ADGRB3: variants seen among roughly 807,000 people sequenced by gnomAD.
ADGRB3 encodes the protein adhesion G protein-coupled receptor B3.
ADGRB3 carries 37 observed loss-of-function variants against 193.4 expected under a neutral mutation model. The observed-to-expected ratio is 0.19, with a 90% CI of 0.15 to 0.25. The LOEUF (loss-of-function observed/expected upper bound fraction) is 0.25, where lower values mean the gene tolerates loss of function less well. ADGRB3 is among the 10% of genes least tolerant of loss of function. The pLI, the probability that ADGRB3 is intolerant of heterozygous loss-of-function variation, is 1.00. For missense variants in ADGRB3, 1,637 were observed against 1,852.9 expected, an observed-to-expected ratio of 0.88 and a Z score of 2.14; for synonymous variants, 690 against 644.2, an observed-to-expected ratio of 1.07 and a Z score of -1.08.
chr6:69,318,489 A>G (rs1052167541), intron 20 of ADGRB3, among the ~76,000 whole-genome samples: 3 of 151,332 alleles, frequency 2.0e-5, no homozygotes, highest in African/African-American at 7.3e-5. Flanking sequence ...TTTATTTTGT[A>G]ATTTCACATT....
chr6:68,662,756 T>C (rs998402055), intron 3 of ADGRB3, among the ~76,000 whole-genome samples: 2 of 151,432 alleles, frequency 1.3e-5, no homozygotes, highest in Non-Finnish European at 3.0e-5. Flanking sequence ...TATGCATATA[T>C]GTTAATGTTA....
chr6:69,361,644 A>G, intron 29 of ADGRB3, 132 bp downstream of exon 29: 1 of 1,122,500 alleles, frequency 8.9e-7, no homozygotes, highest in Middle Eastern at 2.9e-4. Flanking sequence ...TAGCTTTTGC[A>G]GTTTTGTATC....
chr6:69,134,820 T>A (rs1007296976), intron 17 of ADGRB3, among the ~76,000 whole-genome samples: 5 of 151,728 alleles, frequency 3.3e-5, no homozygotes, highest in African/African-American at 1.2e-4. Context: ...AATACATGAA[T>A]AAAGGGAAAT....
intron 20 of ADGRB3, among the ~76,000 whole-genome samples, chr6:69,248,141 C>T (rs1274216858): frequency 6.6e-6 from 1 of 152,052 alleles, no homozygotes; most frequent in African/African-American, 2.4e-5. Context: ...AGAGAAATTA[C>T]AAATTTCTCC....
chr6:68,856,489 C>A (rs1018944231), intron 3 of ADGRB3, among the ~76,000 whole-genome samples: 16 of 152,100 alleles, frequency 1.1e-4, no homozygotes, highest in African/African-American at 3.9e-4. Context: ...GGAACTGGAG[C>A]AAAGGTGACT....
intron 8 of ADGRB3, among the ~76,000 whole-genome samples, chr6:68,968,410 T>C (rs553728979): frequency 1.8e-4 from 28 of 152,328 alleles, no homozygotes; most frequent in African/African-American, 5.3e-4. Flanking sequence ...ACAAATTGAA[T>C]CTTCGTTTTC....
At chr6:69,028,344 T>A (rs1248483862) in intron 13 of ADGRB3, among the ~76,000 whole-genome samples, 1 of 152,214 alleles carries the variant, frequency 6.6e-6, no homozygotes, top group Admixed American at 6.5e-5. Context: ...TTTTTGTTTG[T>A]TTGTTTTTGT....
intron 3 of ADGRB3, among the ~76,000 whole-genome samples, chr6:68,793,754 C>A (rs1434724741): frequency 6.6e-6 from 1 of 152,094 alleles, no homozygotes; most frequent in African/African-American, 2.4e-5. Flanking sequence ...GTCTCAAACT[C>A]CTGACCTCAT....
intron 17 of ADGRB3, among the ~76,000 whole-genome samples, chr6:69,127,873 C>T (rs1260174580): frequency 6.7e-6 from 1 of 148,594 alleles, no homozygotes; most frequent in Non-Finnish European, 1.5e-5. Context: ...ACCAACAGAG[C>T]AAAGCTACAG....
chr6:68,791,543 G>A (rs933280804), intron 3 of ADGRB3, among the ~76,000 whole-genome samples: 48 of 152,102 alleles, frequency 3.2e-4, no homozygotes, highest in Non-Finnish European at 4.4e-4. Flanking sequence ...GGTTATTGCA[G>A]AGACACTGCA....
chr6:69,369,884 G>T (rs542488562), intron 29 of ADGRB3, among the ~76,000 whole-genome samples: 3 of 152,064 alleles, frequency 2.0e-5, no homozygotes, highest in East Asian at 3.9e-4. Flanking sequence ...CCTTCAAAAT[G>T]CAATTGACAA....
chr6:68,733,442 GA>G (rs879583245), intron 3 of ADGRB3, among the ~76,000 whole-genome samples: 1 of 151,578 alleles, frequency 6.6e-6, no homozygotes, highest in Non-Finnish European at 1.5e-5. Context: ...CTAAACAATG[GA>G]TATAAATAAA....
intron 3 of ADGRB3, among the ~76,000 whole-genome samples, chr6:68,742,834 A>G (rs1319761602): frequency 6.6e-6 from 1 of 152,050 alleles, no homozygotes; most frequent in East Asian, 1.9e-4. Flanking sequence ...TAAAACATCT[A>G]TTAATATTTT....
At chr6:68,850,016 A>T (rs574497304) in intron 3 of ADGRB3, among the ~76,000 whole-genome samples, 1 of 152,086 alleles carries the variant, frequency 6.6e-6, no homozygotes, top group East Asian at 1.9e-4. Flanking sequence ...TATTTAAAAT[A>T]TGTGTAATAG....
chr6:69,136,594 G>A (rs754328424), intron 17 of ADGRB3, among the ~76,000 whole-genome samples: 6 of 151,080 alleles, frequency 4.0e-5, no homozygotes, highest in Admixed American at 1.3e-4. Context: ...TCTAAAAATC[G>A]CCTTCATGGT....
intron 3 of ADGRB3, among the ~76,000 whole-genome samples, chr6:68,923,612 G>A (rs1488270800): frequency 2.6e-5 from 4 of 152,008 alleles, no homozygotes; most frequent in Non-Finnish European, 5.9e-5. Flanking sequence ...CAGTAAATAT[G>A]TATACAGTGA....
At chr6:69,334,317 A>G (rs1400383029) in intron 24 of ADGRB3, among the ~76,000 whole-genome samples, 13 of 152,190 alleles carry the variant, frequency 8.5e-5, no homozygotes, top group Admixed American at 7.9e-4. Context: ...CTTATAACCT[A>G]TGTAATGATT....
chr6:69,275,695 T>TA (rs113466471), intron 20 of ADGRB3, among the ~76,000 whole-genome samples: 156 of 149,668 alleles, frequency 1.0e-3, no homozygotes, highest in South Asian at 9.1e-3. Flanking sequence ...GGACATAATA[T>TA]AAAAAAAAAA....
intron 20 of ADGRB3, among the ~76,000 whole-genome samples, chr6:69,294,164 G>A (rs919427126): frequency 1.3e-5 from 2 of 148,434 alleles, no homozygotes; most frequent in African/African-American, 2.4e-5. Context: ...TATTCTGATT[G>A]ATATAGCTTG....
Sources: gnomAD v4.1 joint callset for allele counts (sites outside exome capture counted in the v4.1 genomes callset) on GRCh38, gnomAD v4.1.1 for gene constraint, MANE v1.5 for transcripts, NCBI Gene and HGNC (gene_info 2026-07-23, HGNC 2026-07-21) for gene names.